Variants in CNTN5 observed in about 807,000 individuals in gnomAD.
The protein encoded by CNTN5 is contactin 5.
Under a neutral mutation model 129.1 loss-of-function variants are expected in CNTN5, and 77 were observed. That is an observed-to-expected ratio of 0.60 (90% CI 0.50 to 0.72). The LOEUF (loss-of-function observed/expected upper bound fraction) is 0.72. Among genes scored for constraint, CNTN5 ranks in the 30% least tolerant of loss-of-function variants. The pLI is 0.00. For synonymous variants in CNTN5, 509 were observed against 465.6 expected, an observed-to-expected ratio of 1.09 and a Z score of -1.20; for missense variants, 1,478 against 1,328.8, an observed-to-expected ratio of 1.11 and a Z score of -1.75.
chr11:99,602,211 A>G (rs757800234), intron 3 of CNTN5, among the ~76,000 whole-genome samples: 5 of 152,126 alleles, frequency 3.3e-5, no homozygotes, highest in Non-Finnish European at 5.9e-5. Flanking sequence ...TATTATGTAT[A>G]CATAATATTT....
chr11:99,721,738 A>C (rs932236170), intron 3 of CNTN5, among the ~76,000 whole-genome samples: 1 of 152,212 alleles, frequency 6.6e-6, no homozygotes, highest in Non-Finnish European at 1.5e-5. Flanking sequence ...TATGCCTCTG[A>C]CAAAGGTCCA....
intron 1 of CNTN5, among the ~76,000 whole-genome samples, chr11:99,154,451 T>C (rs546775156): frequency 6.6e-6 from 1 of 152,264 alleles, no homozygotes; most frequent in East Asian, 1.9e-4. Flanking sequence ...CTGGCTAGGT[T>C]CCCGTGTTTG....
intron 1 of CNTN5, among the ~76,000 whole-genome samples, chr11:99,069,921 G>T (rs1055162020): frequency 5.3e-5 from 8 of 152,120 alleles, no homozygotes; most frequent in Admixed American, 1.3e-4. Context: ...TCTGGCTTCA[G>T]CAGGGAAGGA....
Position 99,243,740 on chromosome 11 carries a change from T to TA in CNTN5, c.-209-81606_-209-81605insA, listed in dbSNP as rs1449122922. Reference sequence around the variant, plus strand: ...GAAGTCCTTTCCCTATTGCTTATTTTTTTTTTTTTTTTTTGGAGATCAGTT... The same window carrying TA: ...GAAGTCCTTTCCCTATTGCTTATTTTATTTTTTTTTTTTTTGGAGATCAGTT... On this transcript the variant is annotated intron_variant, in intron 1 of 24. Coordinates refer to ENST00000524871, the MANE Select transcript of CNTN5 (RefSeq NM_014361.4). 1.7e-3 allele frequency among the ~76,000 whole-genome samples: 248 copies of TA among 143,086 alleles called. 2 individuals are homozygous for TA. Among genetic ancestry groups the TA allele is most frequent in the African/African-American group, 5.9e-3 (236 of 40,032 alleles). 93.9% of individuals were successfully genotyped at this position (143,086 alleles called of 152,430 possible). A position where few individuals can be genotyped will look rare whatever the true frequency, so the allele number is the denominator to read the frequency against.
At chr11:99,346,843 A>G (rs1198537069) in intron 2 of CNTN5, among the ~76,000 whole-genome samples, 2 of 152,196 alleles carry the variant, frequency 1.3e-5, no homozygotes, top group Admixed American at 6.5e-5. Context: ...GCAGCCATCC[A>G]CAAATCAGAA....
At chr11:99,214,712 T>C (rs984574718) in intron 1 of CNTN5, among the ~76,000 whole-genome samples, 2 of 152,068 alleles carry the variant, frequency 1.3e-5, no homozygotes, top group Non-Finnish European at 2.9e-5. Flanking sequence ...TAGAATGTTT[T>C]ACACATTACT....
intron 7 of CNTN5, among the ~76,000 whole-genome samples, chr11:99,925,850 G>T (rs1480866142): frequency 1.3e-5 from 2 of 152,112 alleles, no homozygotes; most frequent in East Asian, 3.9e-4. Flanking sequence ...AATATAAGAG[G>T]TAGTCCCAAG....
intron 3 of CNTN5, among the ~76,000 whole-genome samples, chr11:99,602,207 G>C (rs754280044): frequency 6.6e-6 from 1 of 151,830 alleles, no homozygotes; most frequent in Non-Finnish European, 1.5e-5. Context: ...TATATATTAT[G>C]TATACATAAT....
At chr11:99,214,598 G>A (rs999642423) in intron 1 of CNTN5, among the ~76,000 whole-genome samples, 1 of 151,658 alleles carries the variant, frequency 6.6e-6, no homozygotes, top group Non-Finnish European at 1.5e-5. Flanking sequence ...GAAGAATAAG[G>A]CCCAATTGAC....
intron 2 of CNTN5, among the ~76,000 whole-genome samples, chr11:99,399,991 T>C (rs1297233197): frequency 6.6e-6 from 1 of 152,128 alleles, no homozygotes; most frequent in Non-Finnish European, 1.5e-5. Context: ...TTCTCTTTCA[T>C]GTTACAAACA....
intron 13 of CNTN5, among the ~76,000 whole-genome samples, chr11:100,178,819 C>T (rs976249516): frequency 6.6e-6 from 1 of 152,132 alleles, no homozygotes; most frequent in African/African-American, 2.4e-5. Context: ...GGTGTCAGCA[C>T]GGATGCTTAA....
chr11:100,062,237 T>C (rs1943514463), intron 10 of CNTN5, among the ~76,000 whole-genome samples: 1 of 152,190 alleles, frequency 6.6e-6, no homozygotes, highest in African/African-American at 2.4e-5. Flanking sequence ...AATATATAGT[T>C]ATCCAAATTT....
At chr11:99,951,366 G>T (rs540673443) in intron 7 of CNTN5, among the ~76,000 whole-genome samples, 2 of 151,610 alleles carry the variant, frequency 1.3e-5, no homozygotes, top group East Asian at 3.9e-4. Context: ...CCTCAACTGT[G>T]CTTTGCATAT....
chr11:99,744,440 C>A (rs1446763312), intron 3 of CNTN5, among the ~76,000 whole-genome samples: 1 of 148,742 alleles, frequency 6.7e-6, no homozygotes, highest in Non-Finnish European at 1.5e-5. Flanking sequence ...GTGGCTCATG[C>A]CTGTAATCTC....
intron 13 of CNTN5, among the ~76,000 whole-genome samples, chr11:100,098,506 A>G (rs1945096915): frequency 1.3e-5 from 2 of 152,030 alleles, no homozygotes; most frequent in Admixed American, 1.3e-4. Flanking sequence ...TTACTCTATT[A>G]GGAAATATTA....
At position 99,114,966 on chromosome 11, in the gene CNTN5, G is replaced by T. The variant is rs138675931; in HGVS notation, c.-210+93696G>T. The stretch of plus-strand genomic sequence containing the variant: ...ATAAACGCAAAACTCTTACGAAGGG[G>T]ATTAGTGCCCTTATAGAAGAGGCTC... On this transcript the variant is annotated intron_variant, in intron 1 of 24. Coordinates refer to ENST00000524871, the MANE Select transcript of CNTN5 (RefSeq NM_014361.4). Among the ~76,000 whole-genome samples the T allele has an allele frequency of 4.6e-5, 7 of 152,248 alleles. 1 individual carries two copies. Among genetic ancestry groups the T allele is most frequent in the Non-Finnish European group, 7.4e-5 (5 of 68,010 alleles).
intron 3 of CNTN5, among the ~76,000 whole-genome samples, chr11:99,578,443 C>T (rs1949443684): frequency 6.8e-6 from 1 of 147,524 alleles, no homozygotes; most frequent in South Asian, 2.3e-4. Context: ...ACAGTCCCAC[C>T]AACAGTGTAA....
chr11:99,458,438 G>T (rs41345144), intron 2 of CNTN5, among the ~76,000 whole-genome samples: 2,365 of 152,006 alleles, frequency 0.016, 65 homozygotes, highest in African/African-American at 0.054. Context: ...GACTCAAGAT[G>T]TTGAGAGGTA....
intron 1 of CNTN5, among the ~76,000 whole-genome samples, chr11:99,047,212 C>A (rs1864247507): frequency 6.6e-6 from 1 of 151,686 alleles, no homozygotes; most frequent in South Asian, 2.1e-4. Context: ...CAAAAAGTAA[C>A]AAAATCAATA....
Sources: gnomAD v4.1 joint callset for allele counts (sites outside exome capture counted in the v4.1 genomes callset) on GRCh38, gnomAD v4.1.1 for gene constraint, MANE v1.5 for transcripts, NCBI Gene and HGNC (gene_info 2026-07-23, HGNC 2026-07-21) for gene names.